DHX32: variants seen among roughly 807,000 people sequenced by gnomAD.
DHX32 encodes the protein DEAH-box helicase 32 (putative).
In DHX32, 51 loss-of-function variants were observed where a neutral mutation model predicts 70.0. The ratio of observed to expected loss-of-function variants is 0.73; its 90% CI spans 0.58 to 0.92. DHX32 has a LOEUF of 0.92. DHX32 is among the 40% of genes least tolerant of loss of function. The probability of loss-of-function intolerance (pLI) is 0.00; values close to 1 mark genes in which losing one functional copy is unlikely to be tolerated. For missense variants in DHX32, 762 were observed against 891.8 expected (o/e 0.85, Z 1.85); for synonymous variants, 310 against 315.3 (o/e 0.98, Z 0.18).
intron 6 of DHX32, among the ~76,000 whole-genome samples, chr10:125,848,774 G>A (rs1419289536): frequency 6.6e-6 from 1 of 152,124 alleles, no homozygotes; most frequent in Non-Finnish European, 1.5e-5. Flanking sequence ...TCACTCAGAC[G>A]ATGACTGTGC....
rs1223710994 is a variant in DHX32, at chr10:125,836,598, C to T, written c.*89G>A. On this transcript the variant is annotated 3_prime_UTR_variant, in exon 11 of 11. Transcript: ENST00000284690. ...CAAGACCGTCCTGTGGATGTGAAAT[C>T]CGTCTTCGCGTCATGTATCTCCCAT... 13 of 1,477,670 alleles carry T rather than the reference C, an allele frequency of 8.8e-6. No homozygotes were observed. Among genetic ancestry groups the T allele is most frequent in the Admixed American group, 2.2e-5 (1 of 44,492 alleles). The allele number at this position is 1,477,670 out of a possible 1,614,324, so 91.5% of individuals were successfully genotyped here.
intron 1 of DHX32, among the ~76,000 whole-genome samples, chr10:125,870,736 C>T (rs561021913): frequency 5.3e-5 from 8 of 152,158 alleles, no homozygotes; most frequent in African/African-American, 1.7e-4. Context: ...ACTCGGGAGG[C>T]TGAGGCAGGA....
intron 6 of DHX32, among the ~76,000 whole-genome samples, chr10:125,843,261 G>T (rs1233647044): frequency 6.6e-6 from 1 of 152,042 alleles, no homozygotes; most frequent in Non-Finnish European, 1.5e-5. Flanking sequence ...GCTCCTGGGA[G>T]TTCAAAGTAA....
At chr10:125,842,303 C>T (rs968670319) in intron 6 of DHX32, 13 of 194,912 alleles carry the variant, frequency 6.7e-5, no homozygotes, top group Non-Finnish European at 9.2e-5. Context: ...AGATCTAAGT[C>T]GGGGGCCAGA....
At position 125,875,834 on chromosome 10, in the gene DHX32, T is replaced by G. The variant is rs562228220; in HGVS notation, c.282+4709A>C. Among the ~76,000 whole-genome samples the G allele has an allele frequency of 7.6e-4, 115 of 152,252 alleles. 1 individual carries two copies. The highest frequency in any genetic ancestry group is 2.5e-3 in the African/African-American group (103 of 41,552). On this transcript the variant is annotated intron_variant, in intron 1 of 10. Coordinates refer to ENST00000284690, the MANE Select transcript of DHX32 (RefSeq NM_018180.3). ...GGCCAAGCTAACTTTTGTAGATAGT[T>G]TATAGTTTAAATGATGACAGCAAAA... is the stretch of plus-strand genomic sequence containing the variant.
At chr10:125,887,499 T>G (rs1944346753) in intron 1 of DHX32, among the ~76,000 whole-genome samples, 1 of 152,186 alleles carries the variant, frequency 6.6e-6, no homozygotes, top group South Asian at 2.1e-4. Context: ...AAAGTTGTGA[T>G]TACAGTGCCA....
At chr10:125,859,049 T>G (rs2366046) in intron 3 of DHX32, among the ~76,000 whole-genome samples, 92,725 of 134,502 alleles carry the variant, frequency 0.69, 31,974 homozygotes, top group Non-Finnish European at 0.76. Context: ...TTGTTTGTTT[T>G]TTTTTTTTTT....
intron 1 of DHX32, among the ~76,000 whole-genome samples, chr10:125,877,208 A>G (rs1451823212): frequency 6.6e-6 from 1 of 152,216 alleles, no homozygotes; most frequent in African/African-American, 2.4e-5. Context: ...TTGTCCACAG[A>G]AACTAGGAAA....
intron 8 of DHX32, among the ~76,000 whole-genome samples, chr10:125,840,329 C>G (rs923682647): frequency 6.6e-6 from 1 of 152,220 alleles, no homozygotes; most frequent in Non-Finnish European, 1.5e-5. Context: ...ATTCTCTTCT[C>G]TGGACACCCT....
At chr10:125,842,843 A>G in intron 6 of DHX32, 1 of 895,870 alleles carries the variant, frequency 1.1e-6, no homozygotes, top group Non-Finnish European at 1.3e-6. Context: ...AAGTTTATGT[A>G]ACATCGATAA....
Position 125,838,180 on chromosome 10 carries a change from A to C in DHX32, c.2063+26T>G, listed in dbSNP as rs1854757126. 4.5e-6 allele frequency: 7 copies of C among 1,540,776 alleles called. No individual in the cohort carries two copies. The South Asian group carries it at 8.8e-5, about 19-fold the overall frequency. ...CAGGTATGAATTAAAAAAAAAATACAACCCTTTCTTCTCCATTAAACTTAC... is the reference window on the plus strand; with the variant it reads ...CAGGTATGAATTAAAAAAAAAATACCACCCTTTCTTCTCCATTAAACTTAC... On this transcript the variant is annotated intron_variant, in intron 10 of 10. Transcript: ENST00000284690.
chr10:125,839,313 G>T, intron 8 of DHX32, 125 bp from the exon 9 acceptor site: 2 of 933,882 alleles, frequency 2.1e-6, no homozygotes, highest in Non-Finnish European at 3.1e-6. Flanking sequence ...CCACGTAGGT[G>T]AGTGGCAGGA....
At chr10:125,889,121 T>C (rs1161732661) in intron 1 of DHX32, among the ~76,000 whole-genome samples, 1 of 152,252 alleles carries the variant, frequency 6.6e-6, no homozygotes, top group East Asian at 1.9e-4. Flanking sequence ...CATCCGTCTA[T>C]ATTGAAATCT....
intron 1 of DHX32, among the ~76,000 whole-genome samples, chr10:125,894,339 T>C (rs1258936040): frequency 1.3e-5 from 2 of 152,166 alleles, no homozygotes; most frequent in Non-Finnish European, 2.9e-5. Flanking sequence ...AACAAACATT[T>C]AACAGGTACA....
chr10:125,884,213 A>G (rs1382299908), upstream of DHX32, among the ~76,000 whole-genome samples: 1 of 152,244 alleles, frequency 6.6e-6, no homozygotes. Flanking sequence ...AATAACATTC[A>G]TATACCTCTC....
At chr10:125,860,824 C>A (rs918421099) in intron 2 of DHX32, among the ~76,000 whole-genome samples, 7 of 133,574 alleles carry the variant, frequency 5.2e-5, no homozygotes, top group Non-Finnish European at 1.6e-5. Context: ...GGCGCAATCT[C>A]GGCTCACTGC....
chr10:125,860,388 T>G (rs186312660), intron 2 of DHX32, among the ~76,000 whole-genome samples: 1 of 152,370 alleles, frequency 6.6e-6, no homozygotes, highest in African/African-American at 2.4e-5. Flanking sequence ...ATTATACACT[T>G]TTCAAGGAAA....
chr10:125,869,583 A>C (rs542942071), intron 1 of DHX32: 7 of 152,062 alleles, frequency 4.6e-5, no homozygotes, highest in Non-Finnish European at 8.8e-5. Flanking sequence ...CTCAAAAAAA[A>C]AAAAAAAATT....
At position 125,871,956 on chromosome 10, in the gene DHX32, G is replaced by A. The variant is rs111622978; in HGVS notation, c.283-4773C>T. ...TGGCTCACTGCAACCTCCGCCTCCC[G>A]GGTTCAAGCAATTCTCCTGCCTCAG... On this transcript the variant is annotated intron_variant, in intron 1 of 10. Coordinates refer to ENST00000284690, the MANE Select transcript of DHX32 (RefSeq NM_018180.3). 2.2e-4 allele frequency among the ~76,000 whole-genome samples: 33 copies of A among 151,076 alleles called. 1 individual carries two copies. The highest frequency in any genetic ancestry group is 7.5e-4 in the African/African-American group (31 of 41,136).
Sources: allele counts gnomAD v4.1 joint callset (sites outside exome capture counted in the v4.1 genomes callset), GRCh38; gene constraint gnomAD v4.1.1; transcripts MANE v1.5; gene names NCBI Gene and HGNC (gene_info 2026-07-23, HGNC 2026-07-21).